The following TBC1D21 variants were observed in gnomAD, a reference collection of about 807,000 sequenced individuals.
TBC1D21 encodes TBC1 domain family member 21, also known as male germ cell Rab GTPase-activating protein.
A neutral mutation model predicts 46.0 loss-of-function variants in TBC1D21; 38 were observed. The observed-to-expected ratio is 0.83, with a 90% CI of 0.64 to 1.08. TBC1D21 has a LOEUF of 1.08. Among genes scored for constraint, TBC1D21 ranks in the 50% least tolerant of loss-of-function variants. The pLI is 0.00. For synonymous variants in TBC1D21, 151 were observed against 157.2 expected (o/e 0.96, Z 0.29); for missense variants, 415 against 417.9 (o/e 0.99, Z 0.06).
the TBC1D21 span, among the ~76,000 whole-genome samples, chr15:73,903,221 T>TG: frequency 6.6e-6 from 1 of 152,248 alleles, no homozygotes; most frequent in Non-Finnish European, 1.5e-5. Flanking sequence ...AACAGGCTGC[T>TG]GCCGCCTCCT....
chr15:73,904,789 GGA>G, the TBC1D21 span, among the ~76,000 whole-genome samples: 1 of 152,114 alleles, frequency 6.6e-6, no homozygotes, highest in African/African-American at 2.4e-5. Context: ...CAAAAGAAAT[GGA>G]GAGAGACAGC....
chr15:73,897,764 G>A, the TBC1D21 span, among the ~76,000 whole-genome samples: 2 of 152,230 alleles, frequency 1.3e-5, no homozygotes. Context: ...GGGGGACAGG[G>A]AGAACTCTGT....
intron 7 of TBC1D21, 120 bp from the exon 8 acceptor site, chr15:73,886,392 C>G: frequency 1.0e-6 from 1 of 981,772 alleles, no homozygotes; most frequent in Middle Eastern, 2.6e-4. Context: ...GGAAAAGGGG[C>G]GGCAGGCTTT....
At chr15:73,886,006 G>A in intron 6 of TBC1D21, 72 bp from the exon 7 acceptor site, 4 of 1,302,950 alleles carry the variant, frequency 3.1e-6, no homozygotes, top group Non-Finnish European at 4.4e-6. Flanking sequence ...TGAAGCTGGG[G>A]GAAGCAGAGT....
intron 1 of TBC1D21, 34 bp downstream of exon 1, chr15:73,873,803 T>C (rs1419003703): frequency 6.3e-7 from 1 of 1,599,486 alleles, no homozygotes. Context: ...AGTGCCTCCC[T>C]CCCCAGCCTC....
In TBC1D21 at chr15:73,878,587, A is replaced by G. The variant is rs901184869; in HGVS notation, c.61-2812A>G. 2.0e-5 allele frequency among the ~76,000 whole-genome samples: 3 copies of G among 152,330 alleles called. No homozygotes were observed. The East Asian group carries it at 5.8e-4, about 29-fold the overall frequency. On this transcript the variant is annotated intron_variant, in intron 1 of 10. Transcript: ENST00000300504. The stretch of plus-strand genomic sequence containing the variant: ...AAATATATGAATGACCTAGACACTG[A>G]AAACTACAAGACACTGCTGAGAGAA...
chr15:73,897,873 A>G, the TBC1D21 span, among the ~76,000 whole-genome samples: 18 of 152,292 alleles, frequency 1.2e-4, no homozygotes, highest in South Asian at 4.1e-4. Flanking sequence ...CCCCGGAAGC[A>G]TTTCCCAGCA....
rs750799808 is a variant in TBC1D21, at chr15:73,884,134, C to T, written c.273-17C>T. 8.7e-6 allele frequency: 14 copies of T among 1,608,946 alleles called. No individual in the cohort carries two copies. The Admixed American group carries it at 2.3e-4, about 27-fold the overall frequency. On this transcript the variant is annotated splice_polypyrimidine_tract_variant and intron_variant, in intron 3 of 10. Coordinates refer to ENST00000300504, the MANE Select transcript of TBC1D21 (RefSeq NM_153356.3). ...GGGGAAAAGCCACCTTGTTCAGCCT[C>T]AGTTCTGTTCTCACAGGAAGAACTA...
chr15:73,876,690 T>C (rs1258903421), intron 1 of TBC1D21, among the ~76,000 whole-genome samples: 1 of 152,230 alleles, frequency 6.6e-6, no homozygotes, highest in Non-Finnish European at 1.5e-5. Context: ...CCTTATTGCG[T>C]TGATGCTGTA....
At chr15:73,887,362 T>C (rs1179306468) in intron 8 of TBC1D21, among the ~76,000 whole-genome samples, 1 of 151,940 alleles carries the variant, frequency 6.6e-6, no homozygotes, top group Non-Finnish European at 1.5e-5. Context: ...CCTTCCTCTA[T>C]CTAATGAATT....
intron 3 of TBC1D21, 56 bp from the exon 4 acceptor site, chr15:73,884,095 A>C: frequency 7.3e-7 from 1 of 1,378,608 alleles, no homozygotes; most frequent in South Asian, 1.2e-5. Context: ...CTGCTCATTC[A>C]CCACTTATCA....
chr15:73,899,263 T>A, the TBC1D21 span, among the ~76,000 whole-genome samples: 1 of 152,128 alleles, frequency 6.6e-6, no homozygotes, highest in Non-Finnish European at 1.5e-5. Context: ...CCTTGCTCCA[T>A]GGCCCCTGGC....
chr15:73,888,301 G>A (rs79688344), intron 9 of TBC1D21, 129 bp from the exon 10 acceptor site: 7,532 of 721,074 alleles, frequency 0.01, 57 homozygotes, highest in Non-Finnish European at 0.015. Flanking sequence ...GAGAGGTCAG[G>A]TGGTCCCCAG....
At chr15:73,904,514 T>C in the TBC1D21 span, among the ~76,000 whole-genome samples, 1 of 152,194 alleles carries the variant, frequency 6.6e-6, no homozygotes, top group Non-Finnish European at 1.5e-5. Context: ...TTTCATTTTC[T>C]TCAAAGAGTG....
chr15:73,880,571 G>A (rs1216448573), intron 1 of TBC1D21, among the ~76,000 whole-genome samples: 1 of 152,178 alleles, frequency 6.6e-6, no homozygotes, highest in Non-Finnish European at 1.5e-5. Flanking sequence ...AAGAGATCAA[G>A]ACCATCCTGG....
chr15:73,887,767 C>A, intron 9 of TBC1D21, 31 bp downstream of exon 9: 1 of 1,587,926 alleles, frequency 6.3e-7, no homozygotes, highest in South Asian at 1.1e-5. Flanking sequence ...GCTACCACCC[C>A]TGCTCCTGGA....
At chr15:73,894,379 T>C in the TBC1D21 span, among the ~76,000 whole-genome samples, 1 of 152,200 alleles carries the variant, frequency 6.6e-6, no homozygotes, top group Non-Finnish European at 1.5e-5. Context: ...AGGGGTGGTG[T>C]GTGCAGGAAG....
intron 8 of TBC1D21, 54 bp downstream of exon 8, chr15:73,886,666 G>A: frequency 3.2e-6 from 5 of 1,543,792 alleles, no homozygotes; most frequent in African/African-American, 2.7e-5. Flanking sequence ...CAGGCAGAGT[G>A]GAAGCTGCAA....
chr15:73,898,693 G>A, the TBC1D21 span, among the ~76,000 whole-genome samples: 1 of 151,118 alleles, frequency 6.6e-6, no homozygotes, highest in African/African-American at 2.4e-5. Flanking sequence ...ATGAAACCCT[G>A]TCTGTACTAA....
Sources: allele counts gnomAD v4.1 joint callset (sites outside exome capture counted in the v4.1 genomes callset), GRCh38; gene constraint gnomAD v4.1.1; transcripts MANE v1.5; gene names NCBI Gene and HGNC (gene_info 2026-07-23, HGNC 2026-07-21).